Variants in GPATCH2 observed in about 807,000 individuals in gnomAD.
GPATCH2 encodes G patch domain-containing protein 2.
In GPATCH2, 51 loss-of-function variants were observed where a neutral mutation model predicts 58.0. That is an observed-to-expected ratio of 0.88 (90% CI 0.70 to 1.11). The LOEUF (loss-of-function observed/expected upper bound fraction) is 1.11. GPATCH2 is among the 50% of genes most tolerant of loss of function. The probability of loss-of-function intolerance (pLI) is 0.00; values close to 1 mark genes in which losing one functional copy is unlikely to be tolerated. For synonymous variants in GPATCH2, 222 were observed against 218.5 expected (o/e 1.02, Z -0.14); for missense variants, 625 against 652.2 (o/e 0.96, Z 0.45).
At chr1:217,453,789 TAGTA>T (rs1659786618) in intron 8 of GPATCH2, among the ~76,000 whole-genome samples, 1 of 152,144 alleles carries the variant, frequency 6.6e-6, no homozygotes. Context: ...GACGCAATAA[TAGTA>T]AAGAGAAGAC....
chr1:217,468,552 CACACACACACAG>C lies in GPATCH2; in HGVS notation c.1278-19227_1278-19216del, dbSNP rs1240437983. Among the ~76,000 whole-genome samples the C allele has an allele frequency of 6.1e-5, 7 of 114,848 alleles. No homozygotes were observed. The East Asian group carries it at 1.7e-3, about 27-fold the overall frequency. 75.3% of individuals were successfully genotyped at this position (114,848 alleles called of 152,430 possible). A position where few individuals can be genotyped will look rare whatever the true frequency, so the allele number is the denominator to read the frequency against. The stretch of plus-strand genomic sequence containing the variant: ...ACACACACACACACACACACACACA[CACACACACACAG>C]AGAGAAAGAGAAAGAGAGATAGAAG... On this transcript the variant is annotated intron_variant, in intron 8 of 9. Transcript: ENST00000366935.
intron 5 of GPATCH2, chr1:217,608,657 A>G (rs1668477217): frequency 1.0e-6 from 1 of 984,364 alleles, no homozygotes; most frequent in Non-Finnish European, 1.2e-6. Flanking sequence ...ATGATTGATA[A>G]GGCAAAGTTC....
chr1:217,461,552 A>C (rs531074426), intron 8 of GPATCH2, among the ~76,000 whole-genome samples: 13 of 152,314 alleles, frequency 8.5e-5, no homozygotes, highest in Non-Finnish European at 1.6e-4. Context: ...TATTGAATAA[A>C]ATTTAACAAG....
intron 5 of GPATCH2, among the ~76,000 whole-genome samples, chr1:217,515,130 C>G (rs1663060188): frequency 6.7e-6 from 1 of 148,486 alleles, no homozygotes. Context: ...GAGTCTCTTT[C>G]TGTCCCACAG....
In GPATCH2 at chr1:217,598,345, A is replaced by G. The variant is rs1039906201; in HGVS notation, c.1098+11976T>C. 2.0e-5 allele frequency among the ~76,000 whole-genome samples: 3 copies of G among 152,270 alleles called. No homozygotes were observed. In the East Asian group the frequency reaches 5.8e-4, roughly 29 times the overall value. On this transcript the variant is annotated intron_variant, in intron 5 of 9. Transcript: ENST00000366935. Reference sequence around the variant, plus strand: ...GGAGGTTGCAGCAAGCCAAGATCGCACTATTGCACTCAAGCCGGGGCCACA... The same window carrying G: ...GGAGGTTGCAGCAAGCCAAGATCGCGCTATTGCACTCAAGCCGGGGCCACA...
At chr1:217,553,152 GA>G (rs1035510891) in intron 5 of GPATCH2, among the ~76,000 whole-genome samples, 23 of 151,790 alleles carry the variant, frequency 1.5e-4, no homozygotes, top group Non-Finnish European at 1.5e-5. Flanking sequence ...AAAATCAACA[GA>G]AAAAAAGTAA....
At chr1:217,526,011 T>C (rs192962623) in intron 5 of GPATCH2, among the ~76,000 whole-genome samples, 2 of 152,316 alleles carry the variant, frequency 1.3e-5, no homozygotes, top group African/African-American at 4.8e-5. Context: ...CCATTGTGCA[T>C]ACTTTTTGAA....
chr1:217,483,053 T>C (rs1301481956), intron 8 of GPATCH2, among the ~76,000 whole-genome samples: 1 of 152,242 alleles, frequency 6.6e-6, no homozygotes. Flanking sequence ...TGCTTTCCAC[T>C]GTATGGATAT....
chr1:217,624,556 C>T (rs1669356940), intron 1 of GPATCH2, among the ~76,000 whole-genome samples: 1 of 152,220 alleles, frequency 6.6e-6, no homozygotes. Context: ...AAGAGACCAT[C>T]ACATGACCAA....
intron 5 of GPATCH2, among the ~76,000 whole-genome samples, chr1:217,530,286 T>C (rs1664125256): frequency 6.6e-6 from 1 of 152,224 alleles, no homozygotes; most frequent in Non-Finnish European, 1.5e-5. Context: ...AAATACTAAC[T>C]TCTCCATGTT....
In GPATCH2 at chr1:217,433,271, G is replaced by A. The variant is rs111700011; in HGVS notation, c.1367-1906C>T. Among the ~76,000 whole-genome samples, 1,169 of 151,382 alleles carry A rather than the reference G, an allele frequency of 7.7e-3. 15 individuals are homozygous for A. The highest frequency in any genetic ancestry group is 0.026 in the African/African-American group (1,090 of 41,200). ...CAATAAGAATAACAAAAATATTAAC[G>A]ATGAAACTCCAGAGTATAGTAGTGT... On this transcript the variant is annotated intron_variant, in intron 9 of 9. Coordinates refer to ENST00000366935, the MANE Select transcript of GPATCH2 (RefSeq NM_018040.5).
At chr1:217,589,190 T>C (rs1215292161) in intron 5 of GPATCH2, among the ~76,000 whole-genome samples, 1 of 151,994 alleles carries the variant, frequency 6.6e-6, no homozygotes, top group East Asian at 1.9e-4. Flanking sequence ...TCACTTAAAA[T>C]CTCCCAGAGG....
intron 6 of GPATCH2, among the ~76,000 whole-genome samples, chr1:217,513,762 C>G (rs1662972643): frequency 6.6e-6 from 1 of 151,044 alleles, no homozygotes; most frequent in South Asian, 2.1e-4. Context: ...TTTCATGGGT[C>G]TTTATATTAT....
At chr1:217,532,550 G>A (rs916631220) in intron 5 of GPATCH2, among the ~76,000 whole-genome samples, 2 of 152,066 alleles carry the variant, frequency 1.3e-5, no homozygotes, top group East Asian at 1.9e-4. Flanking sequence ...ACTCTAGAGA[G>A]CCACAATGAA....
intron 5 of GPATCH2, among the ~76,000 whole-genome samples, chr1:217,595,867 G>A (rs971216317): frequency 2.6e-5 from 4 of 152,144 alleles, no homozygotes; most frequent in South Asian, 2.1e-4. Context: ...TCCTATAAAC[G>A]TGCTCCTTAG....
chr1:217,447,736 G>T (rs2102466604), intron 9 of GPATCH2, among the ~76,000 whole-genome samples: 1 of 152,274 alleles, frequency 6.6e-6, no homozygotes, highest in Admixed American at 6.5e-5. Context: ...AACTGCATTA[G>T]AAGTGCTCCA....
Position 217,491,739 on chromosome 1 carries a change from C to T in GPATCH2, c.1218G>A (p.Leu406=), listed in dbSNP as rs145736122. The change falls in exon 8 of 10, where the codon CTG becomes CTA. Residue 406 remains leucine (L), a synonymous_variant. Coordinates refer to ENST00000366935, the MANE Select transcript of GPATCH2 (RefSeq NM_018040.5). The stretch of plus-strand genomic sequence containing the variant: ...GTCCTCTTTCAGCTCGATTATCTCT[C>T]AGAAGCTGATGCTACACAAAGTGTT... ...ARTEHDQHQL[L]RDNRAERGHK... 118 of 1,423,456 alleles carry T rather than the reference C, an allele frequency of 8.3e-5. No homozygotes were observed. In the African/African-American group the frequency reaches 1.6e-3, roughly 19 times the overall value. 88.2% of individuals were successfully genotyped at this position (1,423,456 alleles called of 1,614,324 possible). A position where few individuals can be genotyped will look rare whatever the true frequency, so the allele number is the denominator to read the frequency against.
chr1:217,537,206 C>T (rs982961814), intron 5 of GPATCH2, among the ~76,000 whole-genome samples: 14 of 145,060 alleles, frequency 9.7e-5, no homozygotes, highest in African/African-American at 3.4e-4. Flanking sequence ...CTCTGAATTT[C>T]GTCAGCTTTT....
chr1:217,452,908 G>A (rs775872142), intron 8 of GPATCH2, among the ~76,000 whole-genome samples: 6 of 152,162 alleles, frequency 3.9e-5, no homozygotes, highest in African/African-American at 4.8e-5. Context: ...TTGACTGTCT[G>A]CTACACAGCA....
Sources: allele counts gnomAD v4.1 joint callset (sites outside exome capture counted in the v4.1 genomes callset), GRCh38; gene constraint gnomAD v4.1.1; transcripts MANE v1.5; gene names NCBI Gene and HGNC (gene_info 2026-07-23, HGNC 2026-07-21).